The following THSD4 variants were observed in gnomAD, a reference collection of about 807,000 sequenced individuals.
The protein encoded by THSD4 is thrombospondin type 1 domain containing 4.
THSD4 carries 69 observed loss-of-function variants against 119.0 expected under a neutral mutation model. The ratio of observed to expected loss-of-function variants is 0.58; its 90% CI spans 0.48 to 0.71. THSD4 has a LOEUF of 0.71. THSD4 is among the 30% of genes least tolerant of loss of function. THSD4 has a pLI of 0.00. For missense variants in THSD4, 1,393 were observed against 1,391.1 expected (o/e 1.00, Z -0.02); for synonymous variants, 524 against 540.4 (o/e 0.97, Z 0.42).
rs1381221255 is a variant in THSD4, at chr15:71,547,458, G to A, written c.1153-113072G>A. The stretch of plus-strand genomic sequence containing the variant: ...AACATTGCTCCACGTTCAAACAGCA[G>A]TGTTAGCAAGACCTGGGGGAGAGGT... On this transcript the variant is annotated intron_variant, in intron 7 of 17. Transcript: ENST00000261862. 3.9e-6 allele frequency: 6 copies of A among 1,550,374 alleles called. No homozygotes were observed. In the African/African-American group the frequency reaches 4.1e-5, roughly 11 times the overall value.
chr15:71,299,679 A>G (rs1228868794), intron 6 of THSD4, among the ~76,000 whole-genome samples: 1 of 152,192 alleles, frequency 6.6e-6, no homozygotes, highest in African/African-American at 2.4e-5. Context: ...TTACTAAAAG[A>G]GTAGACTTCA....
chr15:71,151,060 A>T (rs74021944), intron 2 of THSD4, among the ~76,000 whole-genome samples: 2,993 of 152,250 alleles, frequency 0.02, 96 homozygotes, highest in African/African-American at 0.068. Context: ...TGCTATGGAG[A>T]AAAGGGCTGG....
At chr15:71,685,703 C>T (rs2051893709) in intron 8 of THSD4, among the ~76,000 whole-genome samples, 1 of 152,068 alleles carries the variant, frequency 6.6e-6, no homozygotes. Context: ...CTTTTCAGAT[C>T]ATTGTGAATC....
At chr15:71,304,498 G>A (rs1160634529) in intron 6 of THSD4, among the ~76,000 whole-genome samples, 1 of 152,044 alleles carries the variant, frequency 6.6e-6, no homozygotes, top group African/African-American at 2.4e-5. Context: ...TTAAAAATAT[G>A]TTTGGTAGTA....
chr15:71,444,171 C>A (rs2047148813), intron 7 of THSD4, among the ~76,000 whole-genome samples: 1 of 152,168 alleles, frequency 6.6e-6, no homozygotes, highest in African/African-American at 2.4e-5. Flanking sequence ...GCTGGGTGGA[C>A]AGGCACGCAG....
intron 15 of THSD4, among the ~76,000 whole-genome samples, chr15:71,759,166 ATC>A (rs1326105239): frequency 2.0e-5 from 3 of 152,234 alleles, no homozygotes; most frequent in African/African-American, 7.2e-5. Flanking sequence ...AAACCCTATC[ATC>A]TCTGCCACTT....
At chr15:71,642,656 C>T (rs577354383) in intron 7 of THSD4, among the ~76,000 whole-genome samples, 35 of 152,120 alleles carry the variant, frequency 2.3e-4, no homozygotes, top group African/African-American at 5.8e-4. Context: ...TGTAGGGACA[C>T]GGATGAAGTT....
At chr15:71,199,802 CTGTGTGTGTGTGATGCACGTGTGGGGTG>C (rs1459349587) in intron 3 of THSD4, among the ~76,000 whole-genome samples, 1 of 38,056 alleles carries the variant, frequency 2.6e-5, no homozygotes, top group African/African-American at 7.0e-5. Flanking sequence ...TGTGTGTGTG[CTGTGTGTGTGTGATGCACGTGTGGGGTG>C]TGTGTGTGTG....
At chr15:71,192,274 C>T (rs8034809) in intron 3 of THSD4, among the ~76,000 whole-genome samples, 2,673 of 151,710 alleles carry the variant, frequency 0.018, 40 homozygotes, top group South Asian at 0.049. Context: ...TTTTAAATTC[C>T]TTTGGTGGAT....
chr15:71,568,568 C>CTTTTTTTT (rs61430926), intron 7 of THSD4, among the ~76,000 whole-genome samples: 4 of 137,876 alleles, frequency 2.9e-5, no homozygotes, highest in East Asian at 2.6e-4. Context: ...CTCTTTTTCT[C>CTTTTTTTT]TTTTTTTTTT....
chr15:71,379,800 T>TTTG (rs747965611), intron 6 of THSD4, among the ~76,000 whole-genome samples: 33 of 152,114 alleles, frequency 2.2e-4, no homozygotes, highest in East Asian at 7.7e-4. Context: ...TTTGCTGACC[T>TTTG]TTGTTGTTGT....
intron 6 of THSD4, among the ~76,000 whole-genome samples, chr15:71,395,522 G>T (rs35951954): frequency 3.4e-3 from 511 of 152,204 alleles, no homozygotes; most frequent in Non-Finnish European, 6.1e-3. Context: ...TGGGCAGATC[G>T]CTTGAACTCA....
intron 6 of THSD4, among the ~76,000 whole-genome samples, chr15:71,408,336 G>T (rs2046635738): frequency 6.6e-6 from 1 of 152,070 alleles, no homozygotes; most frequent in Non-Finnish European, 1.5e-5. Context: ...GGGCTCAAAG[G>T]ATCCTCTCAC....
At chr15:71,180,066 G>A (rs1372386124) in intron 3 of THSD4, among the ~76,000 whole-genome samples, 28 of 126,918 alleles carry the variant, frequency 2.2e-4, no homozygotes, top group African/African-American at 7.5e-4. Context: ...TGGGTGCAGC[G>A]CACCAGCATG....
intron 7 of THSD4, among the ~76,000 whole-genome samples, chr15:71,510,916 C>T (rs1168904613): frequency 2.9e-5 from 3 of 103,482 alleles, no homozygotes; most frequent in Non-Finnish European, 6.3e-5. Context: ...GGTGAGCTCA[C>T]GTTTGGCGGT....
At chr15:71,103,806 C>T (rs1451670296) in intron 1 of THSD4, among the ~76,000 whole-genome samples, 4 of 151,996 alleles carry the variant, frequency 2.6e-5, no homozygotes, top group Non-Finnish European at 5.9e-5. Context: ...TTCCCCTGCA[C>T]CCCACTCTCT....
At chr15:71,501,702 T>C (rs1452401962) in intron 7 of THSD4, among the ~76,000 whole-genome samples, 2 of 152,274 alleles carry the variant, frequency 1.3e-5, no homozygotes, top group African/African-American at 4.8e-5. Flanking sequence ...CAAATAACTC[T>C]TCCCACTTTT....
At chr15:71,246,905 T>C (rs1050913213) in intron 5 of THSD4, among the ~76,000 whole-genome samples, 1 of 150,802 alleles carries the variant, frequency 6.6e-6, no homozygotes. Context: ...TTTTTTTTTT[T>C]TTGAGATAGA....
chr15:71,775,342 T>C (rs1211732841), intron 17 of THSD4, among the ~76,000 whole-genome samples: 1 of 152,218 alleles, frequency 6.6e-6, no homozygotes, highest in Non-Finnish European at 1.5e-5. Context: ...TTGTCAGTTC[T>C]TTCCCAAAGT....
Sources: allele counts gnomAD v4.1 joint callset (sites outside exome capture counted in the v4.1 genomes callset), GRCh38; gene constraint gnomAD v4.1.1; transcripts MANE v1.5; gene names NCBI Gene and HGNC (gene_info 2026-07-23, HGNC 2026-07-21).